The following SNX29 variants were observed in gnomAD, a reference collection of about 807,000 sequenced individuals.
SNX29 encodes sorting nexin 29, also known as sorting nexin-29.
Under a neutral mutation model 102.1 loss-of-function variants are expected in SNX29, and 78 were observed. That is an observed-to-expected ratio of 0.76 (90% CI 0.64 to 0.92). The LOEUF (loss-of-function observed/expected upper bound fraction) is 0.92. Among genes scored for constraint, SNX29 ranks in the 40% least tolerant of loss-of-function variants. The probability of loss-of-function intolerance (pLI) is 0.00; values close to 1 mark genes in which losing one functional copy is unlikely to be tolerated. For missense variants in SNX29, 1,280 were observed against 1,061.7 expected (o/e 1.21, Z -2.86); for synonymous variants, 580 against 414.5 (o/e 1.40, Z -4.85).
intron 13 of SNX29, among the ~76,000 whole-genome samples, chr16:12,156,355 G>A (rs966967525): frequency 1.3e-5 from 2 of 152,168 alleles, no homozygotes; most frequent in Non-Finnish European, 2.9e-5. Context: ...TGTATGTTTG[G>A]TAGAGATGGT....
intron 11 of SNX29, chr16:12,089,640 T>C (rs772794557): frequency 2.7e-5 from 5 of 187,080 alleles, no homozygotes; most frequent in Non-Finnish European, 5.8e-5. Flanking sequence ...ACCGCTGGCA[T>C]TGCGCTGCCA....
chr16:12,470,352 A>G (rs2087276191), intron 18 of SNX29, among the ~76,000 whole-genome samples: 1 of 152,152 alleles, frequency 6.6e-6, no homozygotes, highest in South Asian at 2.1e-4. Context: ...CACCGCCTTC[A>G]TGTCAGCGGG....
intron 18 of SNX29, among the ~76,000 whole-genome samples, chr16:12,475,891 C>G (rs1243715551): frequency 2.0e-5 from 3 of 152,136 alleles, no homozygotes; most frequent in African/African-American, 4.8e-5. Flanking sequence ...GGCCCATGGG[C>G]CATAGTTTGC....
At chr16:11,998,171 A>AGCCTGATGGCAATTCAAC (rs2056158596) in intron 1 of SNX29, among the ~76,000 whole-genome samples, 1 of 152,248 alleles carries the variant, frequency 6.6e-6, no homozygotes, top group South Asian at 2.1e-4. Context: ...AGACAGAAGC[A>AGCCTGATGGCAATTCAAC]GCCTGATGGC....
At chr16:12,545,977 G>T (rs1305707543) in intron 20 of SNX29, among the ~76,000 whole-genome samples, 1 of 152,208 alleles carries the variant, frequency 6.6e-6, no homozygotes, top group East Asian at 1.9e-4. Context: ...TGCTTCAGTG[G>T]GCACTGTAGT....
intron 13 of SNX29, among the ~76,000 whole-genome samples, chr16:12,172,090 ACT>A (rs1336646601): frequency 1.3e-5 from 2 of 152,090 alleles, no homozygotes; most frequent in Admixed American, 6.5e-5. Flanking sequence ...TGGAAGTGTT[ACT>A]CTCTGTTTTA....
chr16:12,273,544 A>G (rs895196493), intron 14 of SNX29, among the ~76,000 whole-genome samples: 1 of 151,840 alleles, frequency 6.6e-6, no homozygotes, highest in African/African-American at 2.4e-5. Flanking sequence ...TTTTTAGTAG[A>G]GACAGGGTTT....
chr16:12,178,265 G>A (rs1296846758), intron 13 of SNX29, among the ~76,000 whole-genome samples: 1 of 152,094 alleles, frequency 6.6e-6, no homozygotes, highest in African/African-American at 2.4e-5. Flanking sequence ...CCTTGCTTAT[G>A]TTCCTTCCAT....
At chr16:12,342,157 C>G (rs554965835) in intron 15 of SNX29, among the ~76,000 whole-genome samples, 26 of 152,302 alleles carry the variant, frequency 1.7e-4, no homozygotes, top group African/African-American at 6.0e-4. Context: ...CATTGTGATA[C>G]TTTTGCACTT....
chr16:12,291,099 G>C lies in SNX29; in HGVS notation c.1782+13063G>C, dbSNP rs113485291. ...GCTGTGGCAAATGCTTGATACTTGA[G>C]CTGTGTTACGAGGCTCCTGTTTCTC... On this transcript the variant is annotated intron_variant, in intron 15 of 20. Coordinates refer to ENST00000566228, the MANE Select transcript of SNX29 (RefSeq NM_032167.5). 4.9e-3 allele frequency among the ~76,000 whole-genome samples: 743 copies of C among 152,272 alleles called. 5 individuals are homozygous for C. Among genetic ancestry groups the C allele is most frequent in the African/African-American group, 0.017 (721 of 41,552 alleles).
intron 19 of SNX29, among the ~76,000 whole-genome samples, chr16:12,499,501 C>T (rs1019648553): frequency 6.6e-6 from 1 of 152,174 alleles, no homozygotes; most frequent in Non-Finnish European, 1.5e-5. Flanking sequence ...CCACATAGCT[C>T]TGCACTGGTC....
At chr16:12,563,749 G>C (rs2903039) in intron 20 of SNX29, among the ~76,000 whole-genome samples, 39,651 of 152,130 alleles carry the variant, frequency 0.26, 5,744 homozygotes, top group East Asian at 0.44. Context: ...TTACCCAACA[G>C]CCACAACTTC....
intron 15 of SNX29, among the ~76,000 whole-genome samples, chr16:12,333,963 C>T (rs2081369377): frequency 6.6e-6 from 1 of 152,158 alleles, no homozygotes; most frequent in South Asian, 2.1e-4. Flanking sequence ...ATGAATGTAA[C>T]CTCATGGGGA....
chr16:12,462,890 C>T (rs766701600), intron 18 of SNX29, among the ~76,000 whole-genome samples: 2 of 152,212 alleles, frequency 1.3e-5, no homozygotes, highest in Admixed American at 1.3e-4. Context: ...ATCCAGACTG[C>T]AACATGTGAC....
intron 16 of SNX29, among the ~76,000 whole-genome samples, chr16:12,365,326 T>TTGTGTGTGTGTG (rs58869867): frequency 7.7e-4 from 108 of 139,866 alleles, no homozygotes; most frequent in Middle Eastern, 3.6e-3. Context: ...ACATCAGGAT[T>TTGTGTGTGTGTG]TGTGTGTGTG....
At position 12,161,899 on chromosome 16, in the gene SNX29, A is replaced by T. The variant is rs1227259241; in HGVS notation, c.1595+32141A>T. Among the ~76,000 whole-genome samples the T allele has an allele frequency of 3.3e-5, 5 of 152,164 alleles. 1 individual carries two copies. In the South Asian group the frequency reaches 1.0e-3, roughly 32 times the overall value. ...ACACAGTCTGCAGAACTGTGAACCA[A>T]ATAGACCTCCCTTCCATATAAATTA... On this transcript the variant is annotated intron_variant, in intron 13 of 20. Transcript: ENST00000566228.
In SNX29 at chr16:12,335,930, T is replaced by C. The variant is rs111676683; in HGVS notation, c.1783-20233T>C. Among the ~76,000 whole-genome samples, 661 of 152,162 alleles carry C rather than the reference T, an allele frequency of 4.3e-3. 4 individuals are homozygous for C. Among genetic ancestry groups the C allele is most frequent in the African/African-American group, 0.015 (638 of 41,532 alleles). On this transcript the variant is annotated intron_variant, in intron 15 of 20. Coordinates refer to ENST00000566228, the MANE Select transcript of SNX29 (RefSeq NM_032167.5). ...AGGATCAGGATTTGAACCCAGGCAG[T>C]TGGACTCCACCTCCACCGCTACCCT...
intron 14 of SNX29, among the ~76,000 whole-genome samples, chr16:12,273,962 C>A: frequency 6.6e-6 from 1 of 152,258 alleles, no homozygotes; most frequent in East Asian, 1.9e-4. Flanking sequence ...ATGGCTAGAC[C>A]GCATCTTGTT....
At chr16:12,293,862 T>C (rs1355665385) in intron 15 of SNX29, among the ~76,000 whole-genome samples, 1 of 152,244 alleles carries the variant, frequency 6.6e-6, no homozygotes, top group East Asian at 1.9e-4. Context: ...CATTCAGTGC[T>C]TATACGGTGC....
Sources: gnomAD v4.1 joint callset for allele counts (sites outside exome capture counted in the v4.1 genomes callset) on GRCh38, gnomAD v4.1.1 for gene constraint, MANE v1.5 for transcripts, NCBI Gene and HGNC (gene_info 2026-07-23, HGNC 2026-07-21) for gene names.